HEATR3: variants seen among roughly 807,000 people sequenced by gnomAD.
HEATR3 encodes HEAT repeat containing 3.
In HEATR3, 56 loss-of-function variants were observed where a neutral mutation model predicts 72.8. That is an observed-to-expected ratio of 0.77 (90% CI 0.62 to 0.96). The LOEUF is 0.96. HEATR3 is among the 40% of genes least tolerant of loss of function. HEATR3 has a pLI of 0.00. For missense variants in HEATR3, 747 were observed against 831.4 expected (o/e 0.90, Z 1.25); for synonymous variants, 331 against 318.1 (o/e 1.04, Z -0.43).
chr16:50,084,099 C>T, intron 8 of HEATR3, 35 bp from the exon 9 acceptor site: 1 of 1,614,104 alleles, frequency 6.2e-7, no homozygotes, highest in Non-Finnish European at 8.5e-7. Context: ...ATTTTCTTAA[C>T]TATTCCAGTT....
intron 12 of HEATR3, among the ~76,000 whole-genome samples, chr16:50,095,871 A>G (rs947524656): frequency 3.9e-5 from 6 of 152,160 alleles, no homozygotes; most frequent in African/African-American, 7.2e-5. Flanking sequence ...TTCAGTATGC[A>G]TGTCTGACAG....
At chr16:50,068,686 C>A in intron 2 of HEATR3, 94 bp from the exon 3 acceptor site, 2 of 943,806 alleles carry the variant, frequency 2.1e-6, no homozygotes, top group Non-Finnish European at 3.2e-6. Context: ...CTCTGGGAAA[C>A]CTTAAATATG....
At chr16:50,093,280 G>T (rs1018749036) in intron 11 of HEATR3, among the ~76,000 whole-genome samples, 1 of 152,184 alleles carries the variant, frequency 6.6e-6, no homozygotes, top group Non-Finnish European at 1.5e-5. Context: ...TACGTAACAA[G>T]TTATTCCAAA....
chr16:50,067,086 G>C (rs559970533), intron 2 of HEATR3, among the ~76,000 whole-genome samples: 2 of 152,290 alleles, frequency 1.3e-5, no homozygotes, highest in African/African-American at 4.8e-5. Context: ...GGGCGCGGTG[G>C]CACACACCTG....
chr16:50,082,910 C>G (rs2036902505), intron 7 of HEATR3, among the ~76,000 whole-genome samples: 1 of 151,956 alleles, frequency 6.6e-6, no homozygotes, highest in Non-Finnish European at 1.5e-5. Context: ...CCTGCCTTGG[C>G]CTCCCAAGTA....
At chr16:50,094,577 TTTTTG>T (rs1418146599) in intron 11 of HEATR3, 123 bp from the exon 12 acceptor site, 16 of 536,962 alleles carry the variant, frequency 3.0e-5, no homozygotes, top group African/African-American at 8.1e-5. Context: ...CGAGGGTTTT[TTTTTG>T]TTTGTTTGTT....
intron 7 of HEATR3, among the ~76,000 whole-genome samples, chr16:50,079,258 A>G (rs926784149): frequency 7.9e-5 from 12 of 152,206 alleles, no homozygotes; most frequent in African/African-American, 2.9e-4. Flanking sequence ...CAGAGATGGG[A>G]TAGACCTATC....
chr16:50,082,816 T>G (rs943316552), intron 7 of HEATR3, among the ~76,000 whole-genome samples: 6 of 152,026 alleles, frequency 3.9e-5, no homozygotes, highest in African/African-American at 4.8e-5. Context: ...TTTTTCTTTT[T>G]TTTTGAGATG....
At chr16:50,090,445 TCTA>T (rs2037084651) in intron 11 of HEATR3, among the ~76,000 whole-genome samples, 2 of 152,202 alleles carry the variant, frequency 1.3e-5, no homozygotes, top group Admixed American at 6.5e-5. Context: ...GTATGATTGT[TCTA>T]CTGCTCTAAC....
chr16:50,067,444 A>G (rs2036523041), intron 2 of HEATR3, among the ~76,000 whole-genome samples: 1 of 152,166 alleles, frequency 6.6e-6, no homozygotes, highest in Admixed American at 6.5e-5. Flanking sequence ...AGGGGGAAGA[A>G]TATTCCCCAC....
intron 6 of HEATR3, among the ~76,000 whole-genome samples, chr16:50,078,029 AC>A (rs1232257233): frequency 6.6e-6 from 1 of 151,428 alleles, no homozygotes; most frequent in Admixed American, 6.6e-5. Flanking sequence ...AGCGCCCACC[AC>A]CACGCCTGGC....
rs1172372187 is a variant in HEATR3, at chr16:50,068,823, G to C, written c.355G>C (p.Val119Leu). 1.9e-6 allele frequency: 3 copies of C among 1,613,908 alleles called. No homozygotes were observed. The highest frequency in any genetic ancestry group is 3.3e-5 in the Admixed American group (2 of 59,998). Residue 119 changes from valine to leucine, a missense_variant, in exon 3 of 15, where the codon GTG becomes CTG. By Grantham distance (32) the Val-to-Leu change is conservative. Coordinates refer to ENST00000299192, the MANE Select transcript of HEATR3 (RefSeq NM_182922.4). ...CGGFEVCDDMVTKDIMTPLVA... is the reference protein window; with the variant it reads ...CGGFEVCDDMLTKDIMTPLVA... ...AGGTTTTGAAGTTTGTGATGACATG[G>C]TGACTAAGGATATCATGACCCCTCT...
At chr16:50,101,423 T>A (rs1394134208) in intron 13 of HEATR3, among the ~76,000 whole-genome samples, 6 of 150,300 alleles carry the variant, frequency 4.0e-5, no homozygotes, top group Admixed American at 2.0e-4. Flanking sequence ...GCAACAGTTA[T>A]TTCTTAGTGT....
At chr16:50,090,927 C>T (rs1302607829) in intron 11 of HEATR3, among the ~76,000 whole-genome samples, 1 of 151,940 alleles carries the variant, frequency 6.6e-6, no homozygotes, top group African/African-American at 2.4e-5. Context: ...GTTGGATCAC[C>T]TGAGGTCAGG....
intron 14 of HEATR3, among the ~76,000 whole-genome samples, chr16:50,103,535 C>T (rs1382202741): frequency 6.6e-6 from 1 of 152,230 alleles, no homozygotes; most frequent in Admixed American, 6.5e-5. Context: ...TCAGCAGCAT[C>T]AGCCCTTGCC....
intron 11 of HEATR3, among the ~76,000 whole-genome samples, chr16:50,092,933 C>A (rs138568371): frequency 1.2e-3 from 180 of 152,292 alleles, no homozygotes; most frequent in Non-Finnish European, 2.3e-3. Flanking sequence ...TGAGGCGTTA[C>A]ACTAGGCCAG....
At position 50,105,811 on chromosome 16, in the gene HEATR3, TC is replaced by T. The variant is rs1480557418; in HGVS notation, c.*752del. The T allele has an allele frequency of 6.6e-6, 1 of 152,058 alleles. No individual in the cohort carries two copies. The highest frequency in any genetic ancestry group is 1.5e-5 in the Non-Finnish European group (1 of 68,048). 9.4% of individuals were successfully genotyped at this position (152,058 alleles called of 1,614,324 possible). On this transcript the variant is annotated 3_prime_UTR_variant, in exon 15 of 15. Transcript: ENST00000299192. ...GTCTCAAATTCCTGACCTCAAGTGA[TC>T]CGCCTGCCCTGGCCTCCCAAAGTGC...
chr16:50,099,072 T>C (rs1426570585), intron 12 of HEATR3, among the ~76,000 whole-genome samples: 1 of 152,122 alleles, frequency 6.6e-6, no homozygotes, highest in Non-Finnish European at 1.5e-5. Context: ...TGCTCTCGAG[T>C]GATCCTCTTG....
At chr16:50,071,679 C>T (rs995642925) in intron 4 of HEATR3, among the ~76,000 whole-genome samples, 3 of 151,996 alleles carry the variant, frequency 2.0e-5, no homozygotes, top group Non-Finnish European at 4.4e-5. Context: ...TTCATGCTGC[C>T]ATAACTAGAT....
Sources: allele counts gnomAD v4.1 joint callset (sites outside exome capture counted in the v4.1 genomes callset), GRCh38; gene constraint gnomAD v4.1.1; transcripts MANE v1.5; gene names NCBI Gene and HGNC (gene_info 2026-07-23, HGNC 2026-07-21).